TDRD3: variants seen among roughly 807,000 people sequenced by gnomAD.
The protein encoded by TDRD3 is tudor domain-containing protein 3.
Under a neutral mutation model 86.7 loss-of-function variants are expected in TDRD3, and 45 were observed. That is an observed-to-expected ratio of 0.52 (90% CI 0.41 to 0.67). The LOEUF is 0.67. Among genes scored for constraint, TDRD3 ranks in the 30% least tolerant of loss-of-function variants. The probability of loss-of-function intolerance (pLI) is 0.00; values close to 1 mark genes in which losing one functional copy is unlikely to be tolerated. For missense variants in TDRD3, 814 were observed against 889.0 expected (o/e 0.92, Z 1.07); for synonymous variants, 298 against 301.7 (o/e 0.99, Z 0.13).
chr13:60,488,650 T>C (rs1466195189), intron 7 of TDRD3, among the ~76,000 whole-genome samples: 1 of 152,174 alleles, frequency 6.6e-6, no homozygotes, highest in African/African-American at 2.4e-5. Flanking sequence ...CTTGGCTCAC[T>C]GTAACCTCTG....
chr13:60,567,088 T>G (rs1341282113), intron 12 of TDRD3, among the ~76,000 whole-genome samples: 1 of 152,232 alleles, frequency 6.6e-6, no homozygotes, highest in Non-Finnish European at 1.5e-5. Flanking sequence ...ACCCCTTTTC[T>G]TTATTCTACC....
intron 1 of TDRD3, among the ~76,000 whole-genome samples, chr13:60,429,241 C>T (rs942109915): frequency 6.6e-6 from 1 of 151,888 alleles, no homozygotes; most frequent in African/African-American, 2.4e-5. Flanking sequence ...TCATTTTTTA[C>T]TTCATTTTAA....
chr13:60,418,961 T>C (rs1270880903), intron 1 of TDRD3, among the ~76,000 whole-genome samples: 2 of 152,210 alleles, frequency 1.3e-5, no homozygotes, highest in African/African-American at 4.8e-5. Flanking sequence ...TCATTCTCCT[T>C]TTGATAGACA....
chr13:60,478,566 A>G (rs1322142225), intron 5 of TDRD3, among the ~76,000 whole-genome samples: 4 of 151,926 alleles, frequency 2.6e-5, no homozygotes, highest in Non-Finnish European at 5.9e-5. Context: ...TGTCCTCCCA[A>G]AGTGCTGGGA....
At chr13:60,494,656 G>A in intron 8 of TDRD3, 81 bp downstream of exon 8, 1 of 1,383,922 alleles carries the variant, frequency 7.2e-7, no homozygotes, top group Non-Finnish European at 9.9e-7. Context: ...ACCACCACTG[G>A]CTTTGTGCAA....
chr13:60,475,124 C>T (rs1464938920), intron 5 of TDRD3, among the ~76,000 whole-genome samples: 1 of 151,336 alleles, frequency 6.6e-6, no homozygotes, highest in East Asian at 1.9e-4. Context: ...GGTGCATGTG[C>T]AGGCTTCTTA....
chr13:60,397,904 C>T (rs936894515), intron 1 of TDRD3, among the ~76,000 whole-genome samples: 7 of 152,270 alleles, frequency 4.6e-5, no homozygotes, highest in Middle Eastern at 6.8e-3. Context: ...GCGCTGCGGC[C>T]GGAGCCGCCT....
At chr13:60,402,026 G>A (rs2083261814) in intron 1 of TDRD3, among the ~76,000 whole-genome samples, 1 of 152,202 alleles carries the variant, frequency 6.6e-6, no homozygotes, top group Admixed American at 6.5e-5. Context: ...ACATTACTTT[G>A]AAGATAGCTA....
At chr13:60,462,917 GAC>G (rs1389574970) in intron 4 of TDRD3, among the ~76,000 whole-genome samples, 1 of 152,154 alleles carries the variant, frequency 6.6e-6, no homozygotes, top group Non-Finnish European at 1.5e-5. Flanking sequence ...CATAAAAACA[GAC>G]ACATAGACCA....
chr13:60,509,655 A>T, intron 8 of TDRD3, 108 bp from the exon 9 acceptor site: 1 of 1,326,902 alleles, frequency 7.5e-7, no homozygotes, highest in Non-Finnish European at 1.1e-6. Flanking sequence ...TGACATTTTT[A>T]CATAAGTATG....
intron 12 of TDRD3, among the ~76,000 whole-genome samples, chr13:60,561,348 C>T (rs1022264935): frequency 6.6e-6 from 1 of 152,106 alleles, no homozygotes; most frequent in Non-Finnish European, 1.5e-5. Context: ...CTTCCACTAG[C>T]TCATTTTATT....
chr13:60,530,714 T>C (rs9538736), intron 11 of TDRD3, among the ~76,000 whole-genome samples: 69,770 of 151,446 alleles, frequency 0.46, 16,455 homozygotes, highest in South Asian at 0.55. Flanking sequence ...CTCGGCGTCC[T>C]AAAGTGCTGG....
intron 3 of TDRD3, among the ~76,000 whole-genome samples, chr13:60,451,277 G>A (rs1194016211): frequency 1.3e-5 from 2 of 152,096 alleles, no homozygotes; most frequent in African/African-American, 2.4e-5. Context: ...ACAAAAAAGC[G>A]GGACCTGTGG....
chr13:60,439,978 A>G (rs1389215526), intron 2 of TDRD3, among the ~76,000 whole-genome samples: 1 of 152,198 alleles, frequency 6.6e-6, no homozygotes, highest in Non-Finnish European at 1.5e-5. Flanking sequence ...AATCCAATGA[A>G]AAAGGAAAAA....
At chr13:60,495,413 C>A (rs554133519) in intron 8 of TDRD3, among the ~76,000 whole-genome samples, 1 of 151,898 alleles carries the variant, frequency 6.6e-6, no homozygotes, top group Non-Finnish European at 1.5e-5. Flanking sequence ...TCGTGAGAGA[C>A]TGGAGTTTTA....
intron 12 of TDRD3, among the ~76,000 whole-genome samples, chr13:60,563,287 G>T (rs1160557130): frequency 6.6e-6 from 1 of 151,558 alleles, no homozygotes; most frequent in Non-Finnish European, 1.5e-5. Flanking sequence ...CATATTGCTG[G>T]AGCTGAGGTA....
chr13:60,438,777 G>C (rs1005393305), intron 1 of TDRD3, among the ~76,000 whole-genome samples: 5 of 152,108 alleles, frequency 3.3e-5, no homozygotes, highest in African/African-American at 1.2e-4. Flanking sequence ...ATGAGCTTGA[G>C]TTAGATCTCT....
chr13:60,435,931 T>TTTTTTTTTTTTTTTTTTTTA (rs1955082619), intron 1 of TDRD3, among the ~76,000 whole-genome samples: 1 of 148,444 alleles, frequency 6.7e-6, no homozygotes, highest in Non-Finnish European at 1.5e-5. Context: ...TTTTTTTTTT[T>TTTTTTTTTTTTTTTTTTTTA]ACTTTTTAAT....
At chr13:60,439,301 A>G (rs1039620229) in intron 1 of TDRD3, among the ~76,000 whole-genome samples, 1 of 152,136 alleles carries the variant, frequency 6.6e-6, no homozygotes, top group Non-Finnish European at 1.5e-5. Flanking sequence ...AACAGTGTTT[A>G]TTTTAGTTTT....
Sources: allele counts gnomAD v4.1 joint callset (sites outside exome capture counted in the v4.1 genomes callset), GRCh38; gene constraint gnomAD v4.1.1; transcripts MANE v1.5; gene names NCBI Gene and HGNC (gene_info 2026-07-23, HGNC 2026-07-21).